Variants in ENKUR observed in about 807,000 individuals in gnomAD.
The protein encoded by ENKUR is enkurin.
ENKUR carries 19 observed loss-of-function variants against 27.6 expected under a neutral mutation model. The observed-to-expected ratio is 0.69, with a 90% CI of 0.48 to 1.01. The LOEUF (loss-of-function observed/expected upper bound fraction) is 1.01, where lower values mean the gene tolerates loss of function less well. ENKUR is among the 50% of genes least tolerant of loss of function. The pLI, the probability that ENKUR is intolerant of heterozygous loss-of-function variation, is 0.00. For synonymous variants in ENKUR, 117 were observed against 96.9 expected (o/e 1.21, Z -1.22); for missense variants, 312 against 310.5 (o/e 1.00, Z -0.04).
chr10:25,013,286 A>G (rs901079337), intron 1 of ENKUR, among the ~76,000 whole-genome samples: 2 of 152,258 alleles, frequency 1.3e-5, no homozygotes, highest in African/African-American at 4.8e-5. Flanking sequence ...TATAAAAGAC[A>G]TATTTATTAA....
At chr10:25,011,307 G>T (rs1850439241) in intron 1 of ENKUR, among the ~76,000 whole-genome samples, 1 of 151,850 alleles carries the variant, frequency 6.6e-6, no homozygotes, top group Non-Finnish European at 1.5e-5. Context: ...TTTTTTTCTT[G>T]TACATTTGTT....
chr10:25,058,408 A>G (rs190435003), intron 2 of ENKUR, among the ~76,000 whole-genome samples: 185 of 152,228 alleles, frequency 1.2e-3, no homozygotes, highest in Non-Finnish European at 2.2e-3. Context: ...GGGTCTCACT[A>G]TGATTTTCAA....
intron 1 of ENKUR, among the ~76,000 whole-genome samples, chr10:25,006,395 C>G (rs1233931591): frequency 6.6e-6 from 1 of 151,960 alleles, no homozygotes; most frequent in Non-Finnish European, 1.5e-5. Context: ...CATTTGTGCT[C>G]CTCTGTGACT....
intron 1 of ENKUR, among the ~76,000 whole-genome samples, chr10:25,012,909 C>T (rs537170286): frequency 2.0e-4 from 31 of 152,254 alleles, no homozygotes; most frequent in African/African-American, 5.3e-4. Context: ...TGCATCCCCA[C>T]GCAAATCTCA....
At chr10:25,024,718 G>C in intron 2 of ENKUR, 1 of 1,614,074 alleles carries the variant, frequency 6.2e-7, no homozygotes, top group South Asian at 1.1e-5. Context: ...TATTTCTTTT[G>C]GAAGCCCAGT....
At chr10:25,010,593 C>T (rs1004384448) in intron 1 of ENKUR, among the ~76,000 whole-genome samples, 93 of 151,384 alleles carry the variant, frequency 6.1e-4, no homozygotes, top group Non-Finnish European at 1.2e-3. Context: ...ATCCCTCCCC[C>T]CTACCCCCAC....
At chr10:24,998,352 T>C (rs12781953) in intron 2 of ENKUR, among the ~76,000 whole-genome samples, 1 of 126,342 alleles carries the variant, frequency 7.9e-6, no homozygotes, top group Admixed American at 8.3e-5. Flanking sequence ...CCTCCCTTCC[T>C]TCCTTCCTCT....
intron 1 of ENKUR, among the ~76,000 whole-genome samples, chr10:25,009,997 G>A (rs1247046603): frequency 6.6e-6 from 1 of 152,154 alleles, no homozygotes; most frequent in Admixed American, 6.5e-5. Context: ...AGTAGAGTGG[G>A]ATGCTGCTAT....
intron 4 of ENKUR, among the ~76,000 whole-genome samples, chr10:24,989,880 C>G (rs1329636280): frequency 6.6e-6 from 1 of 152,120 alleles, no homozygotes; most frequent in Admixed American, 6.5e-5. Context: ...AGCAGAAACT[C>G]TTACACCCCC....
chr10:25,011,072 G>A (rs1850433306), intron 1 of ENKUR, among the ~76,000 whole-genome samples: 1 of 148,660 alleles, frequency 6.7e-6, no homozygotes, highest in Non-Finnish European at 1.5e-5. Context: ...CAGTGTAAAA[G>A]TGTTCCTATT....
chr10:25,043,962 C>G (rs1333839850), intron 2 of ENKUR, among the ~76,000 whole-genome samples: 1 of 151,540 alleles, frequency 6.6e-6, no homozygotes, highest in African/African-American at 2.4e-5. Flanking sequence ...CCTTGAATAT[C>G]CATACCCATT....
At chr10:24,986,316 AGGTT>A (rs1849777369) in intron 4 of ENKUR, among the ~76,000 whole-genome samples, 2 of 152,132 alleles carry the variant, frequency 1.3e-5, no homozygotes, top group Non-Finnish European at 2.9e-5. Context: ...TGTATAGAAG[AGGTT>A]GGTTGGGGAA....
chr10:25,054,953 G>A (rs938885708), intron 2 of ENKUR, among the ~76,000 whole-genome samples: 2 of 152,120 alleles, frequency 1.3e-5, no homozygotes, highest in African/African-American at 4.8e-5. Context: ...GAGATTACAG[G>A]CGTGAGCCAC....
At chr10:25,061,181 A>G in exon 2 of ENKUR, 3 of 1,535,708 alleles carry the variant, frequency 2.0e-6, no homozygotes, top group Non-Finnish European at 2.6e-6. Context: ...TAAGAAGTTC[A>G]TAGGTGTTGG....
At chr10:25,059,166 T>G (rs2130500270) in intron 2 of ENKUR, among the ~76,000 whole-genome samples, 1 of 148,958 alleles carries the variant, frequency 6.7e-6, no homozygotes, top group Non-Finnish European at 1.5e-5. Flanking sequence ...GGAGTCTCGC[T>G]TAGTCATCCA....
intron 1 of ENKUR, among the ~76,000 whole-genome samples, chr10:25,003,939 G>C (rs775263296): frequency 2.0e-5 from 3 of 152,150 alleles, no homozygotes; most frequent in Non-Finnish European, 2.9e-5. Context: ...TTGGTTTCAT[G>C]TTCCTGTGTT....
At chr10:25,024,903 T>C in intron 2 of ENKUR, 8 of 1,613,844 alleles carry the variant, frequency 5.0e-6, no homozygotes, top group Non-Finnish European at 5.9e-6. Flanking sequence ...CACAAACCTT[T>C]TCACCGTCAA....
intron 1 of ENKUR, among the ~76,000 whole-genome samples, chr10:25,014,501 T>G (rs763014958): frequency 6.6e-6 from 1 of 151,984 alleles, no homozygotes. Context: ...GAATAAAGAC[T>G]GTTCCTATAA....
At chr10:25,048,834 G>A (rs1217256497) in intron 2 of ENKUR, among the ~76,000 whole-genome samples, 1 of 149,676 alleles carries the variant, frequency 6.7e-6, no homozygotes, top group Non-Finnish European at 1.5e-5. Context: ...CTTTACCCCA[G>A]CGATTTGGGG....
Sources: gnomAD v4.1 joint callset for allele counts (sites outside exome capture counted in the v4.1 genomes callset) on GRCh38, gnomAD v4.1.1 for gene constraint, MANE v1.5 for transcripts, NCBI Gene and HGNC (gene_info 2026-07-23, HGNC 2026-07-21) for gene names.